The following GLRA1 variants were observed in gnomAD, a reference collection of about 807,000 sequenced individuals.
The protein encoded by GLRA1 is glycine receptor subunit alpha-1.
A neutral mutation model predicts 48.3 loss-of-function variants in GLRA1; 37 were observed. The observed-to-expected ratio is 0.77, with a 90% CI of 0.59 to 1.01. The LOEUF is 1.01. Ranked by LOEUF, GLRA1 falls within the 50% of genes least tolerant of loss-of-function variation. The probability of loss-of-function intolerance (pLI) is 0.00; values close to 1 mark genes in which losing one functional copy is unlikely to be tolerated. For missense variants in GLRA1, 427 were observed against 571.0 expected (o/e 0.75, Z 2.57); for synonymous variants, 196 against 210.7 (o/e 0.93, Z 0.60).
chr5:151,850,137 C>T, intron 7 of GLRA1: 2 of 1,603,878 alleles, frequency 1.2e-6, no homozygotes, highest in Middle Eastern at 2.3e-4. Flanking sequence ...CAATGGCTTC[C>T]CAGGACCCCA....
intron 8 of GLRA1, among the ~76,000 whole-genome samples, chr5:151,823,768 G>T: frequency 6.6e-6 from 1 of 152,142 alleles, no homozygotes; most frequent in East Asian, 1.9e-4. Context: ...TTTCTCTTGT[G>T]CCTTCTCACG....
chr5:151,851,868 C>T (rs983576851), intron 6 of GLRA1, among the ~76,000 whole-genome samples: 1 of 152,168 alleles, frequency 6.6e-6, no homozygotes, highest in South Asian at 2.1e-4. Flanking sequence ...AGTCCTCATA[C>T]ATTGTAAATG....
chr5:151,828,956 G>A lies in GLRA1; in HGVS notation c.1024C>T (p.Leu342=). The A allele has an allele frequency of 6.2e-7, 1 of 1,614,156 alleles. No homozygotes were observed. Among genetic ancestry groups the A allele is most frequent in the African/African-American group, 1.3e-5 (1 of 75,056 alleles). ...VNFVSRQHKE[L]LRFRRKRRHH... ...CTCCGCTTCCTCCTGAATCGGAGCAGCTCCTTATGTTGCCGAGACACAAAG... is the reference window on the plus strand; with the variant it reads ...CTCCGCTTCCTCCTGAATCGGAGCAACTCCTTATGTTGCCGAGACACAAAG... The change falls in exon 8 of 9, where the codon CTG becomes TTG. Residue 342 remains leucine, a synonymous_variant. Coordinates refer to ENST00000274576, the MANE Select transcript of GLRA1 (RefSeq NM_000171.4).
At chr5:151,910,037 A>T (rs1754571791) in intron 1 of GLRA1, among the ~76,000 whole-genome samples, 1 of 152,092 alleles carries the variant, frequency 6.6e-6, no homozygotes, top group Non-Finnish European at 1.5e-5. Flanking sequence ...CTAGCCTTCC[A>T]TTTTCCAGTG....
In GLRA1 at chr5:151,859,871, G is replaced by A. The variant is rs112970419; in HGVS notation, c.390C>T (p.Asn130=). 1,827 of 1,614,020 alleles carry A rather than the reference G, an allele frequency of 1.1e-3. 20 individuals carry two copies. In the African/African-American group the frequency reaches 0.022, roughly 19 times the overall value. The change falls in exon 4 of 9, where the codon AAC becomes AAT. Residue 130 remains asparagine, a synonymous_variant. Coordinates refer to ENST00000274576, the MANE Select transcript of GLRA1 (RefSeq NM_000171.4). ...TCTCATGGAAGTGGGCCCCCTTCTC[G>A]TTGGCAAAGAACAGGTCAGGTTTCC... The part of the protein sequence containing the change: ...SIWKPDLFFA[N]EKGAHFHEIT...
At chr5:151,848,285 A>G (rs1033730786) in intron 7 of GLRA1, among the ~76,000 whole-genome samples, 4 of 152,218 alleles carry the variant, frequency 2.6e-5, no homozygotes, top group African/African-American at 9.7e-5. Flanking sequence ...GGCACATGCT[A>G]GGCAGAGGGT....
rs990739120 is a variant in GLRA1 at position 151,895,216 on chromosome 5, T to G, written c.57-2778A>C. On this transcript the variant is annotated intron_variant, in intron 1 of 8. Coordinates refer to ENST00000274576, the MANE Select transcript of GLRA1 (RefSeq NM_000171.4). ...TGTGTTCATGTGTATGTATTTCAAGTGTGGCATTTAATATGGGCATTTTGT... is the reference window on the plus strand; with the variant it reads ...TGTGTTCATGTGTATGTATTTCAAGGGTGGCATTTAATATGGGCATTTTGT... Among the ~76,000 whole-genome samples the G allele has an allele frequency of 2.0e-5, 3 of 152,156 alleles. No homozygotes were observed. The South Asian group carries it at 6.2e-4, about 32-fold the overall frequency.
chr5:151,847,156 T>C (rs529238555), intron 7 of GLRA1, among the ~76,000 whole-genome samples: 14 of 152,354 alleles, frequency 9.2e-5, no homozygotes, highest in South Asian at 4.1e-4. Context: ...TTGGAAATGG[T>C]GCAAAACATT....
chr5:151,839,239 T>C (rs1377498383), intron 7 of GLRA1, among the ~76,000 whole-genome samples: 1 of 152,212 alleles, frequency 6.6e-6, no homozygotes, highest in South Asian at 2.1e-4. Flanking sequence ...CAAGAAATAC[T>C]AAAGGACGCC....
intron 1 of GLRA1, among the ~76,000 whole-genome samples, chr5:151,895,984 A>C (rs1754218304): frequency 1.3e-5 from 2 of 152,310 alleles, no homozygotes; most frequent in South Asian, 4.2e-4. Flanking sequence ...ATTTGGGAAC[A>C]TAGTACTCCC....
Position 151,924,752 on chromosome 5 carries a change from G to A in GLRA1, c.-203C>T. The A allele has an allele frequency of 3.1e-6, 2 of 643,034 alleles. No homozygotes were observed. Among genetic ancestry groups the A allele is most frequent in the East Asian group, 2.7e-5 (1 of 36,468 alleles). 39.8% of individuals were successfully genotyped at this position (643,034 alleles called of 1,614,324 possible). ...CCACGGACAGCGGCGGCTGCGAGGC[G>A]TTTCAGCACCACGGAGAGCGTCCAG... On this transcript the variant is annotated 5_prime_UTR_variant, in exon 1 of 9. It adds an upstream start codon to the 5' untranslated region. Transcript: ENST00000274576.
intron 7 of GLRA1, among the ~76,000 whole-genome samples, chr5:151,831,295 A>G (rs1354024841): frequency 1.3e-5 from 2 of 152,150 alleles, no homozygotes; most frequent in Admixed American, 6.5e-5. Context: ...CCCCAGCAAG[A>G]CAGAACCATT....
At chr5:151,913,442 C>A (rs1581664552) in intron 1 of GLRA1, among the ~76,000 whole-genome samples, 2 of 152,096 alleles carry the variant, frequency 1.3e-5, no homozygotes, top group African/African-American at 4.8e-5. Context: ...AATGAGAAAT[C>A]CATTTTGGGT....
At chr5:151,849,951 A>T in intron 7 of GLRA1, 1 of 1,579,334 alleles carries the variant, frequency 6.3e-7, no homozygotes, top group African/African-American at 1.3e-5. Context: ...TTCAGTAAGG[A>T]CCCTACAAGC....
chr5:151,831,697 G>T (rs544688979), intron 7 of GLRA1, among the ~76,000 whole-genome samples: 6 of 152,322 alleles, frequency 3.9e-5, no homozygotes, highest in Non-Finnish European at 7.3e-5. Context: ...CAAAGCACCT[G>T]GGGGAAGGGA....
chr5:151,919,235 G>A (rs1204493451), intron 1 of GLRA1, among the ~76,000 whole-genome samples: 1 of 152,080 alleles, frequency 6.6e-6, no homozygotes, highest in African/African-American at 2.4e-5. Flanking sequence ...ATATGTTAAT[G>A]ATGAATGGTA....
At chr5:151,921,289 C>T (rs974996523) in intron 1 of GLRA1, among the ~76,000 whole-genome samples, 4 of 152,192 alleles carry the variant, frequency 2.6e-5, no homozygotes, top group Non-Finnish European at 5.9e-5. Flanking sequence ...GCTAGACTTT[C>T]CTCCTCGTTA....
chr5:151,915,197 A>G (rs569195044), intron 1 of GLRA1, among the ~76,000 whole-genome samples: 1 of 152,356 alleles, frequency 6.6e-6, no homozygotes, highest in East Asian at 1.9e-4. Flanking sequence ...CATAGTATCT[A>G]GCATTCAGTA....
intron 2 of GLRA1, among the ~76,000 whole-genome samples, chr5:151,887,035 C>T (rs1753926026): frequency 6.6e-6 from 1 of 152,216 alleles, no homozygotes; most frequent in Admixed American, 6.5e-5. Context: ...GATGTACTTT[C>T]ATTAACACAG....
Sources: allele counts gnomAD v4.1 joint callset (sites outside exome capture counted in the v4.1 genomes callset), GRCh38; gene constraint gnomAD v4.1.1; transcripts MANE v1.5; gene names NCBI Gene and HGNC (gene_info 2026-07-23, HGNC 2026-07-21).